The following CCN6 variants were observed in gnomAD, a reference collection of about 807,000 sequenced individuals.
The protein encoded by CCN6 is CCN family member 6.
CCN6 carries 31 observed loss-of-function variants against 37.4 expected under a neutral mutation model. The ratio of observed to expected loss-of-function variants is 0.83; its 90% CI spans 0.62 to 1.12. The LOEUF (loss-of-function observed/expected upper bound fraction) is 1.12. CCN6 is among the 50% of genes most tolerant of loss of function. The pLI is 0.00. For synonymous variants in CCN6, 137 were observed against 142.1 expected (o/e 0.96, Z 0.26); for missense variants, 369 against 413.8 (o/e 0.89, Z 0.94).
Position 112,061,306 on chromosome 6 carries a change from G to T in CCN6, c.346+18G>T. On this transcript the variant is annotated intron_variant, in intron 2 of 4. Transcript: ENST00000368666. ...GTGTGCATGTAAGTGTCTTCTTCTG[G>T]ACCTGCTGGAAAAGATTGAGTCTAG... 1 of 1,614,002 alleles carries T rather than the reference G, an allele frequency of 6.2e-7. No homozygotes were observed. The highest frequency in any genetic ancestry group is 8.5e-7 in the Non-Finnish European group (1 of 1,179,960).
chr6:112,054,280 G>C lies in CCN6; in HGVS notation c.-78G>C. The C allele has an allele frequency of 6.2e-7, 1 of 1,610,510 alleles. No homozygotes were observed. The highest frequency in any genetic ancestry group is 8.5e-7 in the Non-Finnish European group (1 of 1,176,782). ...GAGCGTGGGGTTTGCAGAGGAGACA[G>C]GGGAGCTTTGTGTACCCGGAGCAAT... On this transcript the variant is annotated 5_prime_UTR_variant, in exon 1 of 5. Coordinates refer to ENST00000368666, the MANE Select transcript of CCN6 (RefSeq NM_198239.2).
Position 112,061,030 on chromosome 6 carries a change from A to G in CCN6, c.88A>G (p.Thr30Ala), listed in dbSNP as rs1008771489. Residue 30 changes from threonine (T) to alanine (A), a missense_variant, in exon 2 of 5, where the codon ACA becomes GCA. By Grantham distance (58) the Thr-to-Ala change is moderately conservative. Transcript: ENST00000368666. ...RVQGTGPLDT[T>A]PEGRPGEVSD... ...ACAGGGCACTGGACCATTAGATACA[A>G]CACCTGAAGGAAGGCCTGGAGAAGT... The G allele has an allele frequency of 2.5e-6, 4 of 1,614,044 alleles. No individual in the cohort carries two copies. The African/African-American group carries it at 4.0e-5, about 16-fold the overall frequency.
At chr6:112,064,653 T>A in intron 2 of CCN6, 102 bp from the exon 3 acceptor site, 1 of 1,567,556 alleles carries the variant, frequency 6.4e-7, no homozygotes, top group Non-Finnish European at 8.7e-7. Flanking sequence ...AGAGCTATAC[T>A]TCATACAGGA....
chr6:112,062,911 T>C (rs1245635993), intron 2 of CCN6, among the ~76,000 whole-genome samples: 1 of 151,874 alleles, frequency 6.6e-6, no homozygotes, highest in Non-Finnish European at 1.5e-5. Context: ...CCTAAAGAGG[T>C]TTTATGTGGG....
chr6:112,064,823 C>G lies in CCN6; in HGVS notation c.415C>G (p.Pro139Ala), dbSNP rs1776630581. ...TAATGGCCAAGTGTTTCAGCCCAAC[C>G]CCTTGTTCAGCTGCCTCTGTGTGAG... is the stretch of plus-strand genomic sequence containing the variant. ...YHNGQVFQPNPLFSCLCVSGA... is the reference protein window; with the variant it reads ...YHNGQVFQPNALFSCLCVSGA... Residue 139 changes from proline (P) to alanine (A), a missense_variant, in exon 3 of 5, where the codon CCC (proline) becomes GCC (alanine). Pro to Ala is a conservative substitution (Grantham distance 27). Transcript: ENST00000368666. 6.2e-7 allele frequency: 1 copy of G among 1,613,928 alleles called. No individual in the cohort carries two copies. The highest frequency in any genetic ancestry group is 8.5e-7 in the Non-Finnish European group (1 of 1,179,962).
At chr6:112,055,339 G>A (rs950619165) in intron 1 of CCN6, among the ~76,000 whole-genome samples, 1 of 152,152 alleles carries the variant, frequency 6.6e-6, no homozygotes, top group African/African-American at 2.4e-5. Flanking sequence ...CTGTTCTTGA[G>A]AAAAAGCCTG....
intron 1 of CCN6, among the ~76,000 whole-genome samples, chr6:112,056,602 G>T (rs2114431124): frequency 6.6e-6 from 1 of 152,232 alleles, no homozygotes; most frequent in Non-Finnish European, 1.5e-5. Context: ...TGCAACCTCT[G>T]CCTTCTGGGT....
intron 4 of CCN6, among the ~76,000 whole-genome samples, 166 bp from the exon 5 acceptor site, chr6:112,069,172 CT>C (rs1470353040): frequency 3.9e-5 from 6 of 152,114 alleles, no homozygotes; most frequent in Non-Finnish European, 4.4e-5. Context: ...GGACAGACCT[CT>C]GATAAGAAGG....
At position 112,054,387 on chromosome 6, in the gene CCN6, G is replaced by T; in HGVS notation, c.30G>T (p.Leu10=). ...AGGGGCTCCTCTTCTCCACTCTTCTGCTTGCTGGCCTGGCACAGGTAAGTC... is the reference window on the plus strand; with the variant it reads ...AGGGGCTCCTCTTCTCCACTCTTCTTCTTGCTGGCCTGGCACAGGTAAGTC... The part of the protein sequence containing the change: MQGLLFSTL[L]LAGLAQFCCR... The change falls in exon 1 of 5, where the codon CTG becomes CTT. Residue 10 remains leucine, a synonymous_variant. Coordinates refer to ENST00000368666, the MANE Select transcript of CCN6 (RefSeq NM_198239.2). 1 of 1,613,712 alleles carries T rather than the reference G, an allele frequency of 6.2e-7. No homozygotes were observed. Among genetic ancestry groups the T allele is most frequent in the Non-Finnish European group, 8.5e-7 (1 of 1,179,960 alleles).
chr6:112,057,207 A>G (rs926067241), intron 1 of CCN6, among the ~76,000 whole-genome samples: 1 of 152,230 alleles, frequency 6.6e-6, no homozygotes, highest in East Asian at 1.9e-4. Context: ...TGTGAGAGCT[A>G]AAGCTCAAGA....
intron 1 of CCN6, chr6:112,059,911 C>A: frequency 7.7e-7 from 1 of 1,292,972 alleles, no homozygotes; most frequent in Non-Finnish European, 1.0e-6. Context: ...GTAAACTCTA[C>A]GGTGAAAGGA....
chr6:112,058,672 C>G (rs1422365528), intron 1 of CCN6, among the ~76,000 whole-genome samples: 2 of 152,126 alleles, frequency 1.3e-5, no homozygotes, highest in Non-Finnish European at 2.9e-5. Flanking sequence ...GCAGAATGTC[C>G]CAGGCAGGAG....
upstream of CCN6, among the ~76,000 whole-genome samples, chr6:112,053,370 C>T (rs1253207139): frequency 6.6e-6 from 1 of 150,820 alleles, no homozygotes; most frequent in Non-Finnish European, 1.5e-5. Flanking sequence ...GATCTCGGCT[C>T]ACTGCAACCT....
At position 112,055,626 on chromosome 6, in the gene CCN6, G is replaced by A. The variant is rs1258922007; in HGVS notation, c.48+1221G>A. On this transcript the variant is annotated intron_variant, in intron 1 of 4. Coordinates refer to ENST00000368666, the MANE Select transcript of CCN6 (RefSeq NM_198239.2). ...TTATTTAGAGACAGAGCCTTGCTCTGTCGTTCCAGGCTGGAGTGCAGTGGT... is the reference window on the plus strand; with the variant it reads ...TTATTTAGAGACAGAGCCTTGCTCTATCGTTCCAGGCTGGAGTGCAGTGGT... Among the ~76,000 whole-genome samples the A allele has an allele frequency of 5.3e-5, 8 of 152,124 alleles. No homozygotes were observed. In the East Asian group the frequency reaches 1.5e-3, roughly 29 times the overall value.
intron 2 of CCN6, among the ~76,000 whole-genome samples, chr6:112,063,905 A>G (rs1390602170): frequency 5.9e-5 from 9 of 152,172 alleles, no homozygotes; most frequent in African/African-American, 2.2e-4. Context: ...TTCTATGTAT[A>G]TTTCCTATTT....
At chr6:112,054,912 C>A (rs1168404618) in intron 1 of CCN6, 1 of 190,634 alleles carries the variant, frequency 5.2e-6, no homozygotes, top group Non-Finnish European at 1.1e-5. Context: ...TTTGTCTTTT[C>A]TCAGTCCATG....
rs587756017 is a variant in CCN6, at chr6:112,063,129, G to A, written c.347-1626G>A. On this transcript the variant is annotated intron_variant, in intron 2 of 4. Transcript: ENST00000368666. ...AGCTCAATAGAAGATAGCTAGAGTC[G>A]CACATTTGCTGCTTCTTTCAATCTG... is the stretch of plus-strand genomic sequence containing the variant. 3.0e-4 allele frequency among the ~76,000 whole-genome samples: 45 copies of A among 152,208 alleles called. 1 individual carries two copies. Among genetic ancestry groups the A allele is most frequent in the African/African-American group, 1.0e-3 (42 of 41,536 alleles).
At chr6:112,056,892 C>T (rs1776364092) in intron 1 of CCN6, among the ~76,000 whole-genome samples, 1 of 151,448 alleles carries the variant, frequency 6.6e-6, no homozygotes, top group Admixed American at 6.6e-5. Flanking sequence ...CTTTGCACAT[C>T]TTCTTCTCAA....
chr6:112,060,277 G>A (rs147903473), intron 1 of CCN6, among the ~76,000 whole-genome samples: 1 of 152,318 alleles, frequency 6.6e-6, no homozygotes, highest in African/African-American at 2.4e-5. Context: ...AAGGAGCAAG[G>A]AAGGTGAACA....
Sources: gnomAD v4.1 joint callset for allele counts (sites outside exome capture counted in the v4.1 genomes callset) on GRCh38, gnomAD v4.1.1 for gene constraint, MANE v1.5 for transcripts, NCBI Gene and HGNC (gene_info 2026-07-23, HGNC 2026-07-21) for gene names.